SLC29A4: variants seen among roughly 807,000 people sequenced by gnomAD.
SLC29A4 encodes equilibrative nucleoside transporter 4.
A neutral mutation model predicts 43.9 loss-of-function variants in SLC29A4; 36 were observed. That is an observed-to-expected ratio of 0.82 (90% CI 0.63 to 1.08). The LOEUF (loss-of-function observed/expected upper bound fraction) is 1.08. SLC29A4 is among the 50% of genes least tolerant of loss of function. The pLI is 0.00. For synonymous variants in SLC29A4, 491 were observed against 338.0 expected (o/e 1.45, Z -4.97); for missense variants, 869 against 755.3 (o/e 1.15, Z -1.77).
In SLC29A4 at chr7:5,294,932, AGAGT is replaced by A. The variant is rs760932563; in HGVS notation, c.619+3_619+6del. On this transcript the variant is annotated splice_donor_variant and coding_sequence_variant, in exon 6 of 11. Transcript: ENST00000396872. LOFTEE classifies it high-confidence loss of function. ...TACACGCAGGGGGTGATGACCGGGG[AGAGT>A]GAGTATCTGCAGACCCCCCGGGGAG... is the stretch of plus-strand genomic sequence containing the variant. 3.7e-6 allele frequency: 6 copies of A among 1,605,274 alleles called. No individual in the cohort carries two copies. The African/African-American group carries it at 4.0e-5, about 11-fold the overall frequency.
In SLC29A4 at chr7:5,303,517, G is replaced by C. The variant is rs902342774; in HGVS notation, c.*578G>C. 6.4e-6 allele frequency: 1 copy of C among 155,666 alleles called. No individual in the cohort carries two copies. Among genetic ancestry groups the C allele is most frequent in the African/African-American group, 2.4e-5 (1 of 41,482 alleles). 9.6% of individuals were successfully genotyped at this position (155,666 alleles called of 1,614,324 possible). A position where few individuals can be genotyped will look rare whatever the true frequency, so the allele number is the denominator to read the frequency against. On this transcript the variant is annotated 3_prime_UTR_variant, in exon 11 of 11. Coordinates refer to ENST00000396872, the MANE Select transcript of SLC29A4 (RefSeq NM_153247.4). The stretch of plus-strand genomic sequence containing the variant: ...TAACGCGTTAGCCATGAAGGAGTCG[G>C]AGCCCTGGGTCCGAATGGACCCGCC...
In SLC29A4 at chr7:5,291,742, G is replaced by A. The variant is rs1019414424; in HGVS notation, c.465G>A (p.Val155=). ...GPLLFISICD[V]WLQLFSRDQA... Reference sequence around the variant, plus strand: ...TCCTTTTTATCAGCATCTGCGACGTGTGGCTGCAGCTCTTCTCTCGGGACC... The same window carrying A: ...TCCTTTTTATCAGCATCTGCGACGTATGGCTGCAGCTCTTCTCTCGGGACC... Residue 155 remains valine (V), a synonymous_variant, in exon 5 of 11, where the codon GTG becomes GTA. Coordinates refer to ENST00000396872, the MANE Select transcript of SLC29A4 (RefSeq NM_153247.4). The A allele has an allele frequency of 5.0e-6, 8 of 1,611,876 alleles. No homozygotes were observed. Among genetic ancestry groups the A allele is most frequent in the East Asian group, 4.5e-5 (2 of 44,902 alleles).
chr7:5,299,547 G>A (rs1562454908), intron 9 of SLC29A4, 120 bp downstream of exon 9: 14 of 1,150,078 alleles, frequency 1.2e-5, no homozygotes, highest in Non-Finnish European at 1.6e-5. Flanking sequence ...AGGTGGAAAG[G>A]GCAAGAGCTG....
At chr7:5,295,608 C>A (rs1286571310) in intron 6 of SLC29A4, among the ~76,000 whole-genome samples, 2 of 152,246 alleles carry the variant, frequency 1.3e-5, no homozygotes, top group African/African-American at 4.8e-5. Context: ...GGTTCCCAAT[C>A]TTCCTTCTGT....
chr7:5,302,409 G>A (rs1254252433), intron 10 of SLC29A4, among the ~76,000 whole-genome samples: 7 of 152,220 alleles, frequency 4.6e-5, no homozygotes, highest in Admixed American at 3.3e-4. Context: ...CAGGCACGGT[G>A]GTGCATGCCT....
chr7:5,301,943 G>A (rs1399841757), intron 10 of SLC29A4, among the ~76,000 whole-genome samples: 4 of 151,880 alleles, frequency 2.6e-5, no homozygotes, highest in South Asian at 2.1e-4. Context: ...GCTGCAAGTC[G>A]GAGAGTGGAG....
intron 1 of SLC29A4, among the ~76,000 whole-genome samples, chr7:5,284,003 C>T (rs369384648): frequency 4.7e-5 from 7 of 149,338 alleles, no homozygotes; most frequent in South Asian, 2.1e-4. Context: ...GAGGGGGTCA[C>T]TGGGCCAGGC....
At chr7:5,291,896 G>A in intron 5 of SLC29A4, 75 bp downstream of exon 5, 5 of 1,538,668 alleles carry the variant, frequency 3.2e-6, no homozygotes, top group Non-Finnish European at 4.4e-6. Context: ...CTGGTCTCCT[G>A]CTGGTGGCAT....
chr7:5,296,740 G>A (rs1197901416), intron 6 of SLC29A4, among the ~76,000 whole-genome samples, 196 bp from the exon 7 acceptor site: 1 of 144,110 alleles, frequency 6.9e-6, no homozygotes, highest in East Asian at 2.1e-4. Flanking sequence ...AGTGGGCGGG[G>A]CCGGCGGTGA....
At chr7:5,299,885 C>T (rs566215144) in intron 9 of SLC29A4, among the ~76,000 whole-genome samples, 3 of 152,322 alleles carry the variant, frequency 2.0e-5, no homozygotes, top group South Asian at 2.1e-4. Context: ...AACCCCGTGT[C>T]TACTGAAAAT....
chr7:5,302,365 C>T (rs1333540619), intron 10 of SLC29A4, among the ~76,000 whole-genome samples: 3 of 152,158 alleles, frequency 2.0e-5, no homozygotes, highest in Admixed American at 1.3e-4. Flanking sequence ...TATAGCAAGA[C>T]GGAGTCTCTA....
At chr7:5,301,381 C>T (rs1786152466) in intron 10 of SLC29A4, among the ~76,000 whole-genome samples, 1 of 152,018 alleles carries the variant, frequency 6.6e-6, no homozygotes, top group African/African-American at 2.4e-5. Context: ...CGGGAGCCAG[C>T]AGTGTAAATG....
intron 1 of SLC29A4, among the ~76,000 whole-genome samples, chr7:5,284,097 G>A (rs1784823477): frequency 6.7e-6 from 1 of 149,400 alleles, no homozygotes; most frequent in Non-Finnish European, 1.5e-5. Context: ...AAGTGGTGAG[G>A]GGCCTTGGCC....
chr7:5,291,263 C>G lies in SLC29A4; in HGVS notation c.415+26C>G, dbSNP rs748632646. 7.4e-5 allele frequency: 118 copies of G among 1,596,922 alleles called. 1 individual carries two copies. The highest frequency in any genetic ancestry group is 9.8e-5 in the Non-Finnish European group (115 of 1,170,544). ...GTGCGCTGGGCCCCGCCACGGGACA[C>G]CTGCCTGTCATGGCTTCCACCTGCC... On this transcript the variant is annotated intron_variant, in intron 4 of 10. Coordinates refer to ENST00000396872, the MANE Select transcript of SLC29A4 (RefSeq NM_153247.4).
chr7:5,295,798 G>C (rs1185888571), intron 6 of SLC29A4, among the ~76,000 whole-genome samples: 9 of 133,944 alleles, frequency 6.7e-5, no homozygotes, highest in Admixed American at 5.9e-4. Flanking sequence ...GGTTCCTGTC[G>C]CTGGCAGGTA....
intron 7 of SLC29A4, among the ~76,000 whole-genome samples, 191 bp from the exon 8 acceptor site, chr7:5,298,797 C>G (rs1474104433): frequency 6.6e-6 from 1 of 152,174 alleles, no homozygotes; most frequent in Non-Finnish European, 1.5e-5. Flanking sequence ...AAGACCCTCT[C>G]TCTAAAACAA....
intron 2 of SLC29A4, among the ~76,000 whole-genome samples, chr7:5,288,698 T>C (rs10081188): frequency 0.16 from 24,569 of 152,060 alleles, 3,006 homozygotes; most frequent in African/African-American, 0.34. Flanking sequence ...AGTGCCTGAA[T>C]AGGACTGGAT....
intron 1 of SLC29A4, among the ~76,000 whole-genome samples, chr7:5,286,781 C>G (rs1784979463): frequency 6.6e-6 from 1 of 152,186 alleles, no homozygotes; most frequent in Non-Finnish European, 1.5e-5. Context: ...CCACACAGAC[C>G]TGGGTTGAGA....
rs137876561 is a variant in SLC29A4 at position 5,287,926 on chromosome 7, C to A, written c.110C>A (p.Ala37Glu). 46 of 1,611,766 alleles carry A rather than the reference C, an allele frequency of 2.9e-5. No individual in the cohort carries two copies. The African/African-American group carries it at 4.7e-4, about 16-fold the overall frequency. ...TFDSHQLEEAAEAAQGQGLRA... is the reference protein window; with the variant it reads ...TFDSHQLEEAEEAAQGQGLRA... The stretch of plus-strand genomic sequence containing the variant: ...GACAGTCACCAGCTGGAGGAGGCGG[C>A]GGAGGCGGCTCAGGGCCAGGGCCTT... The change falls in exon 2 of 11, where the codon GCG becomes GAG. Residue 37 changes from alanine to glutamate, a missense_variant. Ala to Glu is a moderately radical substitution (Grantham distance 107). Transcript: ENST00000396872.
Sources: allele counts gnomAD v4.1 joint callset (sites outside exome capture counted in the v4.1 genomes callset), GRCh38; gene constraint gnomAD v4.1.1; transcripts MANE v1.5; gene names NCBI Gene and HGNC (gene_info 2026-07-23, HGNC 2026-07-21).